Variants in PDK4 observed in about 807,000 individuals in gnomAD.
PDK4 encodes pyruvate dehydrogenase kinase 4, also known as pyruvate dehydrogenase kinase, isozyme 4.
Under a neutral mutation model 51.7 loss-of-function variants are expected in PDK4, and 43 were observed. The ratio of observed to expected loss-of-function variants is 0.83; its 90% CI spans 0.65 to 1.07. PDK4 has a LOEUF of 1.07. Ranked by LOEUF, PDK4 falls within the 50% of genes least tolerant of loss-of-function variation. The pLI, the probability that PDK4 is intolerant of heterozygous loss-of-function variation, is 0.00. For missense variants in PDK4, 498 were observed against 503.5 expected (o/e 0.99, Z 0.10); for synonymous variants, 170 against 176.6 (o/e 0.96, Z 0.30).
Position 95,583,615 on chromosome 7 carries a change from T to TC in PDK4, c.*2025dup, listed in dbSNP as rs1179094208. 5 of 152,542 alleles carry TC rather than the reference T, an allele frequency of 3.3e-5. No homozygotes were observed. The highest frequency in any genetic ancestry group is 1.2e-4 in the African/African-American group (5 of 41,464). 9.4% of individuals were successfully genotyped at this position (152,542 alleles called of 1,614,324 possible). A position where few individuals can be genotyped will look rare whatever the true frequency, so the allele number is the denominator to read the frequency against. On this transcript the variant is annotated 3_prime_UTR_variant, in exon 11 of 11. Coordinates refer to ENST00000005178, the MANE Select transcript of PDK4 (RefSeq NM_002612.4). ...TTTAAGTGGGCCTGAGTATTCAGTA[T>TC]CCATCTACTAGAATCCTAAAGCTCT... is the stretch of plus-strand genomic sequence containing the variant.
At chr7:95,594,814 C>T in intron 2 of PDK4, 1 of 343,616 alleles carries the variant, frequency 2.9e-6, no homozygotes, top group Non-Finnish European at 5.2e-6. Context: ...ATAAAGTAAT[C>T]TACTTTTTCA....
chr7:95,585,519 A>T lies in PDK4; in HGVS notation c.*122T>A, dbSNP rs758146070. 10 of 821,484 alleles carry T rather than the reference A, an allele frequency of 1.2e-5. No individual in the cohort carries two copies. Among genetic ancestry groups the T allele is most frequent in the Non-Finnish European group, 1.5e-5 (8 of 531,984 alleles). 50.9% of individuals were successfully genotyped at this position (821,484 alleles called of 1,614,324 possible). A position where few individuals can be genotyped will look rare whatever the true frequency, so the allele number is the denominator to read the frequency against. ...CATTCCTCATTGGATCAGTGTTCTG[A>T]TTAAGGAGTTTTCGTTGCTGTCGTT... On this transcript the variant is annotated 3_prime_UTR_variant, in exon 11 of 11. Transcript: ENST00000005178.
intron 5 of PDK4, 152 bp from the exon 6 acceptor site, chr7:95,592,217 G>A: frequency 2.3e-6 from 1 of 442,818 alleles, no homozygotes; most frequent in Non-Finnish European, 4.0e-6. Context: ...TTTTATTGAA[G>A]AAAAATTAAG....
Position 95,586,873 on chromosome 7 carries a change from G to C in PDK4, c.1095+137C>G. The C allele has an allele frequency of 5.2e-6, 3 of 576,194 alleles. No individual in the cohort carries two copies. In the Admixed American group the frequency reaches 9.0e-5, roughly 17 times the overall value. 35.7% of individuals were successfully genotyped at this position (576,194 alleles called of 1,614,324 possible). A position where few individuals can be genotyped will look rare whatever the true frequency, so the allele number is the denominator to read the frequency against. ...TAAATAATGTACACACACCCAGAAAGAGAAGAGAATGAATGACCTGTAGTC... is the reference window on the plus strand; with the variant it reads ...TAAATAATGTACACACACCCAGAAACAGAAGAGAATGAATGACCTGTAGTC... On this transcript the variant is annotated intron_variant, in intron 10 of 10. Transcript: ENST00000005178.
At chr7:95,596,043 C>T (rs1791615238) in intron 1 of PDK4, 121 bp downstream of exon 1, 4 of 1,125,354 alleles carry the variant, frequency 3.6e-6, no homozygotes, top group Non-Finnish European at 5.0e-6. Context: ...GGCTCCAGGG[C>T]TCAGCAGCAA....
intron 1 of PDK4, among the ~76,000 whole-genome samples, chr7:95,595,510 C>A (rs1174754891): frequency 6.6e-6 from 1 of 152,132 alleles, no homozygotes; most frequent in Non-Finnish European, 1.5e-5. Context: ...AACAACACAA[C>A]ATCCTTTAAT....
intron 2 of PDK4, 48 bp downstream of exon 2, chr7:95,594,975 C>T (rs765193556): frequency 5.7e-6 from 8 of 1,413,104 alleles, no homozygotes; most frequent in African/African-American, 2.8e-5. Flanking sequence ...AATTCATACC[C>T]GGGTAACTGT....
At position 95,595,169 on chromosome 7, in the gene PDK4, A is replaced by G. The variant is rs185821517; in HGVS notation, c.131-5T>C. 2.5e-6 allele frequency: 4 copies of G among 1,604,792 alleles called. No homozygotes were observed. The highest frequency in any genetic ancestry group is 3.3e-4 in the Middle Eastern group (2 of 6,048). ...TTTCACATGCATTTTCTGAACCTAT[A>G]ATAAATGAAATCAATTTAGTTTTGA... On this transcript the variant is annotated splice_polypyrimidine_tract_variant and splice_region_variant and intron_variant, in intron 1 of 10. Coordinates refer to ENST00000005178, the MANE Select transcript of PDK4 (RefSeq NM_002612.4).
At chr7:95,586,958 A>G (rs1377012153) in intron 10 of PDK4, 52 bp downstream of exon 10, 2 of 1,029,818 alleles carry the variant, frequency 1.9e-6, no homozygotes, top group Admixed American at 1.7e-5. Flanking sequence ...CAAGGCTATA[A>G]AAGGAGCAAT....
rs10085637 is a variant in PDK4, at chr7:95,596,501, T to C, written c.-208A>G. The C allele has an allele frequency of 0.37, 190,591 of 508,604 alleles. 38,913 individuals carry two copies. The highest frequency in any genetic ancestry group is 0.71 in the East Asian group (19,404 of 27,406). 31.5% of individuals were successfully genotyped at this position (508,604 alleles called of 1,614,324 possible). ...GAGTCGGAGATGCAGTGGTTCGAGA[T>C]TCAAGTTCAAGTCTTCCCACCAGCC... On this transcript the variant is annotated 5_prime_UTR_variant, in exon 1 of 11. Transcript: ENST00000005178.
chr7:95,596,358 G>C lies in PDK4; in HGVS notation c.-65C>G, dbSNP rs1791622523. On this transcript the variant is annotated 5_prime_UTR_variant, in exon 1 of 11. Coordinates refer to ENST00000005178, the MANE Select transcript of PDK4 (RefSeq NM_002612.4). ...TGAGGGGCGAAGGCTGCTCGGAGCA[G>C]AGCCTGGTTCCGAGGGGGCGCGGCG... is the stretch of plus-strand genomic sequence containing the variant. The C allele has an allele frequency of 6.7e-7, 1 of 1,486,642 alleles. No individual in the cohort carries two copies. Among genetic ancestry groups the C allele is most frequent in the Admixed American group, 2.6e-5 (1 of 38,636 alleles). 92.1% of individuals were successfully genotyped at this position (1,486,642 alleles called of 1,614,324 possible).
At position 95,592,064 on chromosome 7, in the gene PDK4, A is replaced by T; in HGVS notation, c.618T>A (p.Asp206Glu). The change falls in exon 6 of 11, where the codon GAT becomes GAA. Residue 206 changes from aspartate to glutamate, a missense_variant and splice_region_variant. Coordinates refer to ENST00000005178, the MANE Select transcript of PDK4 (RefSeq NM_002612.4). ...PNCDVVAVVQ[D>E]AFECSRMLCD... Reference sequence around the variant, plus strand: ...AGAGCATCCTTGAACACTCAAAGGCATCTGGAATAGAAGTTGTTTTTTATA... The same window carrying T: ...AGAGCATCCTTGAACACTCAAAGGCTTCTGGAATAGAAGTTGTTTTTTATA... The T allele has an allele frequency of 6.4e-7, 1 of 1,564,552 alleles. No individual in the cohort carries two copies.
At chr7:95,595,217 T>TTTAG in intron 1 of PDK4, 53 bp from the exon 2 acceptor site, 1 of 1,217,740 alleles carries the variant, frequency 8.2e-7, no homozygotes, top group Non-Finnish European at 1.2e-6. Context: ...CTAAATGATA[T>TTTAG]ATCTAAATAG....
chr7:95,596,361 C>G lies in PDK4; in HGVS notation c.-68G>C, dbSNP rs538445627. 15,737 of 1,468,396 alleles carry G rather than the reference C, an allele frequency of 0.011. 103 individuals carry two copies. Among genetic ancestry groups the G allele is most frequent in the Middle Eastern group, 0.019 (82 of 4,214 alleles). The allele number at this position is 1,468,396 out of a possible 1,614,324, so 91.0% of individuals were successfully genotyped here. A position where few individuals can be genotyped will look rare whatever the true frequency, so the allele number is the denominator to read the frequency against. ...GGGGCGAAGGCTGCTCGGAGCAGAG[C>G]CTGGTTCCGAGGGGGCGCGGCGCGT... On this transcript the variant is annotated 5_prime_UTR_variant, in exon 1 of 11. Transcript: ENST00000005178.
chr7:95,587,629 A>T lies in PDK4; in HGVS notation c.870+98T>A, dbSNP rs1054775431. On this transcript the variant is annotated intron_variant, in intron 8 of 10. Transcript: ENST00000005178. Reference sequence around the variant, plus strand: ...TTCATTTAAAAATCACCTGGCATATATGACTGTTATCTATTGCAAAAAGCA... The same window carrying T: ...TTCATTTAAAAATCACCTGGCATATTTGACTGTTATCTATTGCAAAAAGCA... 18 of 1,134,452 alleles carry T rather than the reference A, an allele frequency of 1.6e-5. No homozygotes were observed. The Admixed American group carries it at 1.8e-4, about 11-fold the overall frequency. 70.3% of individuals were successfully genotyped at this position (1,134,452 alleles called of 1,614,324 possible). A position where few individuals can be genotyped will look rare whatever the true frequency, so the allele number is the denominator to read the frequency against.
Position 95,596,078 on chromosome 7 carries a change from G to T in PDK4, c.130+86C>A. Reference sequence around the variant, plus strand: ...AAGTGAACCCCAGTTGTTTTAGCTTGAGCCTAGCCCTCCCTCTACCAAGGC... The same window carrying T: ...AAGTGAACCCCAGTTGTTTTAGCTTTAGCCTAGCCCTCCCTCTACCAAGGC... On this transcript the variant is annotated intron_variant, in intron 1 of 10. Coordinates refer to ENST00000005178, the MANE Select transcript of PDK4 (RefSeq NM_002612.4). 2.9e-6 allele frequency: 4 copies of T among 1,391,702 alleles called. No homozygotes were observed. In the African/African-American group the frequency reaches 4.6e-5, roughly 16 times the overall value. The allele number at this position is 1,391,702 out of a possible 1,614,324, so 86.2% of individuals were successfully genotyped here.
rs973211906 is a variant in PDK4, at chr7:95,596,302, C to T, written c.-9G>A. On this transcript the variant is annotated 5_prime_UTR_variant, in exon 1 of 11. Coordinates refer to ENST00000005178, the MANE Select transcript of PDK4 (RefSeq NM_002612.4). ...AAGCGGGCCGCCTTCATCTTGACGC[C>T]CACCCGGCCTGGCGGGGACTGTGGC... 1.2e-5 allele frequency: 19 copies of T among 1,566,232 alleles called. No homozygotes were observed. Among genetic ancestry groups the T allele is most frequent in the Non-Finnish European group, 1.6e-5 (18 of 1,157,064 alleles).
chr7:95,592,630 A>G (rs41278806), intron 4 of PDK4, 33 bp from the exon 5 acceptor site: 37,932 of 1,511,306 alleles, frequency 0.025, 620 homozygotes, highest in Non-Finnish European at 0.03. Flanking sequence ...AAAAATTGTT[A>G]TAAAATTCAG....
chr7:95,584,162 C>T lies in PDK4; in HGVS notation c.*1479G>A, dbSNP rs1791449279. 6.6e-6 allele frequency: 1 copy of T among 152,084 alleles called. No individual in the cohort carries two copies. Among genetic ancestry groups the T allele is most frequent in the African/African-American group, 2.4e-5 (1 of 41,408 alleles). The allele number at this position is 152,084 out of a possible 1,614,324, so 9.4% of individuals were successfully genotyped here. On this transcript the variant is annotated 3_prime_UTR_variant, in exon 11 of 11. Coordinates refer to ENST00000005178, the MANE Select transcript of PDK4 (RefSeq NM_002612.4). ...CACGGGTAAGTTTATTATCTCAAAG[C>T]CTACTATCTTGTAAGAGTGAGAGGC...
Sources: gnomAD v4.1 joint callset for allele counts (sites outside exome capture counted in the v4.1 genomes callset) on GRCh38, gnomAD v4.1.1 for gene constraint, MANE v1.5 for transcripts, NCBI Gene and HGNC (gene_info 2026-07-23, HGNC 2026-07-21) for gene names.